The following SEC11A variants were observed in gnomAD, a reference collection of about 807,000 sequenced individuals.
The protein encoded by SEC11A is SEC11 homolog A, signal peptidase complex subunit.
In SEC11A, 14 loss-of-function variants were observed where a neutral mutation model predicts 25.6. The observed-to-expected ratio is 0.55, with a 90% confidence interval of 0.36 to 0.85. The LOEUF (loss-of-function observed/expected upper bound fraction) is 0.85, where lower values mean the gene tolerates loss of function less well. Ranked by LOEUF, SEC11A falls within the 40% of genes least tolerant of loss-of-function variation. The pLI, the probability that SEC11A is intolerant of heterozygous loss-of-function variation, is 0.01. For missense variants in SEC11A, 153 were observed against 222.9 expected, an observed-to-expected ratio of 0.69 and a Z score of 2.00; for synonymous variants, 83 against 76.4, an observed-to-expected ratio of 1.09 and a Z score of -0.45.
intron 3 of SEC11A, among the ~76,000 whole-genome samples, chr15:84,681,170 TAC>T (rs1261639038): frequency 6.6e-6 from 1 of 152,162 alleles, no homozygotes; most frequent in African/African-American, 2.4e-5. Context: ...TTAAAATAAA[TAC>T]ACACTACCAA....
intron 1 of SEC11A, among the ~76,000 whole-genome samples, chr15:84,707,720 T>C (rs1024257788): frequency 1.3e-5 from 2 of 152,208 alleles, no homozygotes; most frequent in Admixed American, 6.5e-5. Context: ...TTTACTGTTA[T>C]AGGCTTGTGC....
At chr15:84,694,972 T>G (rs8031332) in intron 1 of SEC11A, among the ~76,000 whole-genome samples, 1 of 150,964 alleles carries the variant, frequency 6.6e-6, no homozygotes, top group Non-Finnish European at 1.5e-5. Context: ...TGCCTGTAAT[T>G]CCAGCTACTC....
chr15:84,678,993 CA>C (rs547897320), intron 4 of SEC11A, among the ~76,000 whole-genome samples: 9,874 of 111,856 alleles, frequency 0.088, 380 homozygotes, highest in African/African-American at 0.13. Context: ...AGACTGTCTC[CA>C]AAAAAAAAAA....
chr15:84,712,104 G>A lies in SEC11A; in HGVS notation c.51+3921C>T, dbSNP rs117874843. On this transcript the variant is annotated intron_variant, in intron 1 of 5. Transcript: ENST00000268220. ...AAAAATACAAAAATTAGCCAGGCATGGTGGCACACATCCATAGTCCCAACT... is the reference window on the plus strand; with the variant it reads ...AAAAATACAAAAATTAGCCAGGCATAGTGGCACACATCCATAGTCCCAACT... Among the ~76,000 whole-genome samples the A allele has an allele frequency of 4.9e-3, 752 of 152,126 alleles. 43 individuals are homozygous for A. In the East Asian group the frequency reaches 0.12, roughly 25 times the overall value.
intron 1 of SEC11A, 90 bp downstream of exon 1, chr15:84,715,935 A>G: frequency 7.9e-7 from 1 of 1,270,566 alleles, no homozygotes; most frequent in South Asian, 1.3e-5. Context: ...TCAGACCCTC[A>G]CACCAGAACC....
At chr15:84,703,421 T>C (rs777605806) in intron 1 of SEC11A, among the ~76,000 whole-genome samples, 3 of 152,188 alleles carry the variant, frequency 2.0e-5, no homozygotes, top group Non-Finnish European at 2.9e-5. Context: ...CTAACGATGC[T>C]ACCCTGCTTC....
chr15:84,690,803 C>G (rs1416087502), intron 2 of SEC11A, among the ~76,000 whole-genome samples: 1 of 152,066 alleles, frequency 6.6e-6, no homozygotes, highest in African/African-American at 2.4e-5. Context: ...ATGATTCTAT[C>G]CTGACATTGA....
chr15:84,713,404 T>C (rs139846232), intron 1 of SEC11A, among the ~76,000 whole-genome samples: 1 of 152,288 alleles, frequency 6.6e-6, no homozygotes, highest in Admixed American at 6.5e-5. Flanking sequence ...AATTCTAGTT[T>C]CCCTCTTTCG....
chr15:84,701,959 T>C (rs1000561670), intron 1 of SEC11A, among the ~76,000 whole-genome samples: 36 of 147,786 alleles, frequency 2.4e-4, no homozygotes, highest in Non-Finnish European at 4.5e-5. Flanking sequence ...CCCAGCTACT[T>C]GGGAGGCTGA....
intron 3 of SEC11A, among the ~76,000 whole-genome samples, chr15:84,685,524 T>C (rs981059266): frequency 5.3e-5 from 8 of 150,970 alleles, no homozygotes; most frequent in African/African-American, 2.0e-4. Flanking sequence ...TCCACCCGCC[T>C]CAGCCTCCCA....
intron 2 of SEC11A, among the ~76,000 whole-genome samples, chr15:84,688,833 C>T (rs1339567674): frequency 6.6e-6 from 1 of 152,096 alleles, no homozygotes; most frequent in Non-Finnish European, 1.5e-5. Context: ...GAGTTCGTGA[C>T]CAGCCTGATC....
At chr15:84,692,466 A>G (rs1455383166) in intron 1 of SEC11A, among the ~76,000 whole-genome samples, 1 of 152,248 alleles carries the variant, frequency 6.6e-6, no homozygotes, top group Non-Finnish European at 1.5e-5. Context: ...TAAGCTTATC[A>G]GTCACATAGT....
At chr15:84,678,901 C>T (rs1305078764) in intron 4 of SEC11A, among the ~76,000 whole-genome samples, 1 of 150,742 alleles carries the variant, frequency 6.6e-6, no homozygotes, top group African/African-American at 2.4e-5. Flanking sequence ...GGCTGAGGCA[C>T]AAGAATCTTT....
At position 84,694,176 on chromosome 15, in the gene SEC11A, G is replaced by A. The variant is rs528867848; in HGVS notation, c.52-2532C>T. Among the ~76,000 whole-genome samples the A allele has an allele frequency of 9.2e-5, 14 of 151,884 alleles. 1 individual carries two copies. Among genetic ancestry groups the A allele is most frequent in the Admixed American group, 4.6e-4 (7 of 15,266 alleles). On this transcript the variant is annotated intron_variant, in intron 1 of 5. Coordinates refer to ENST00000268220, the MANE Select transcript of SEC11A (RefSeq NM_014300.4). ...AGGAGACCAGCCTGGCCAACATGGC[G>A]AAACCCCATCTCTACTAAAAACACA... is the stretch of plus-strand genomic sequence containing the variant.
At chr15:84,678,245 AAAG>A (rs1383033929) in intron 4 of SEC11A, among the ~76,000 whole-genome samples, 4 of 152,100 alleles carry the variant, frequency 2.6e-5, no homozygotes, top group Admixed American at 1.3e-4. Flanking sequence ...AAGAAAAAAA[AAAG>A]AAGGCCCAGA....
At chr15:84,702,226 C>T (rs1002069173) in intron 1 of SEC11A, among the ~76,000 whole-genome samples, 3 of 151,380 alleles carry the variant, frequency 2.0e-5, no homozygotes, top group Non-Finnish European at 4.4e-5. Context: ...TTTGGGAGGC[C>T]GAGGTAGGCG....
chr15:84,700,980 A>G (rs1739013372), intron 1 of SEC11A, among the ~76,000 whole-genome samples: 1 of 90,184 alleles, frequency 1.1e-5, no homozygotes, highest in Non-Finnish European at 2.3e-5. Flanking sequence ...GCGAAACTCC[A>G]TATCAAAAAA....
intron 3 of SEC11A, among the ~76,000 whole-genome samples, chr15:84,684,700 G>T (rs868672655): frequency 6.6e-6 from 1 of 152,202 alleles, no homozygotes; most frequent in Non-Finnish European, 1.5e-5. Flanking sequence ...GGGAGGCAGA[G>T]GTGGGTGAAT....
intron 1 of SEC11A, among the ~76,000 whole-genome samples, chr15:84,708,867 G>A (rs1478115333): frequency 6.6e-6 from 1 of 152,076 alleles, no homozygotes; most frequent in African/African-American, 2.4e-5. Flanking sequence ...TAAGAGTTGG[G>A]TGATACTAAG....
Sources: allele counts gnomAD v4.1 joint callset (sites outside exome capture counted in the v4.1 genomes callset), GRCh38; gene constraint gnomAD v4.1.1; transcripts MANE v1.5; gene names NCBI Gene and HGNC (gene_info 2026-07-23, HGNC 2026-07-21).